Variants in DHRS3 observed in about 807,000 individuals in gnomAD.
The protein encoded by DHRS3 is dehydrogenase/reductase 3, also known as short-chain dehydrogenase/reductase 3.
Under a neutral mutation model 27.2 loss-of-function variants are expected in DHRS3, and 14 were observed. The observed-to-expected ratio is 0.52, with a 90% CI of 0.34 to 0.81. DHRS3 has a LOEUF of 0.81. Among genes scored for constraint, DHRS3 ranks in the 30% least tolerant of loss-of-function variants. The probability of loss-of-function intolerance (pLI) is 0.01; values close to 1 mark genes in which losing one functional copy is unlikely to be tolerated. For synonymous variants in DHRS3, 165 were observed against 175.9 expected (o/e 0.94, Z 0.49); for missense variants, 322 against 406.2 (o/e 0.79, Z 1.78).
intron 1 of DHRS3, among the ~76,000 whole-genome samples, chr1:12,615,178 GTAGCTCCAGAAGCCTCATTA>G (rs1451555728): frequency 3.3e-5 from 5 of 151,304 alleles, no homozygotes; most frequent in African/African-American, 1.2e-4. Context: ...TCATTATAAA[GTAGCTCCAGAAGCCTCATTA>G]TAAAGTAGCT....
intron 4 of DHRS3, among the ~76,000 whole-genome samples, chr1:12,573,140 T>C (rs1646554457): frequency 1.3e-5 from 2 of 152,226 alleles, no homozygotes; most frequent in Admixed American, 1.3e-4. Flanking sequence ...GCTTGGCCTT[T>C]CCATGGCCCT....
chr1:12,596,947 CGGGGT>C, intron 1 of DHRS3, among the ~76,000 whole-genome samples: 1 of 152,194 alleles, frequency 6.6e-6, no homozygotes, highest in African/African-American at 2.4e-5. Flanking sequence ...TGTGAGAAGC[CGGGGT>C]GACGAGGTCT....
intron 1 of DHRS3, among the ~76,000 whole-genome samples, chr1:12,589,391 C>CTTTT (rs70987258): frequency 4.4e-5 from 6 of 136,418 alleles, no homozygotes; most frequent in East Asian, 2.1e-4. Flanking sequence ...TTTTCTTTTT[C>CTTTT]TTTTTTTTTT....
In DHRS3 at chr1:12,576,585, G is replaced by T. The variant is rs1428256494; in HGVS notation, c.698+2133C>A. ...TTAAAAAAAAAAACAAAACAAAACT[G>T]CAGACTGCCACTGATGCACTTCTGT... is the stretch of plus-strand genomic sequence containing the variant. On this transcript the variant is annotated intron_variant, in intron 4 of 5. Coordinates refer to ENST00000616661, the MANE Select transcript of DHRS3 (RefSeq NM_004753.7). Among the ~76,000 whole-genome samples the T allele has an allele frequency of 2.6e-5, 4 of 151,086 alleles. No homozygotes were observed. The East Asian group carries it at 7.8e-4, about 29-fold the overall frequency.
intron 2 of DHRS3, 73 bp from the exon 3 acceptor site, chr1:12,579,485 T>C: frequency 6.4e-7 from 1 of 1,560,070 alleles, no homozygotes. Flanking sequence ...TTTTTGTTTG[T>C]TTGTTTTTGA....
rs1646956634 is a variant in DHRS3 at position 12,617,869 on chromosome 1, A to G, written c.-521T>C. The G allele has an allele frequency of 6.7e-6, 1 of 149,618 alleles. No individual in the cohort carries two copies. The highest frequency in any genetic ancestry group is 1.5e-5 in the Non-Finnish European group (1 of 67,524). 9.3% of individuals were successfully genotyped at this position (149,618 alleles called of 1,614,324 possible). On this transcript the variant is annotated 5_prime_UTR_variant, in exon 1 of 6. Transcript: ENST00000616661. Reference sequence around the variant, plus strand: ...CCCACCCCGTCTCCAGAAAAAAAAAAAAAAAAAAAGTGGGGGGAAAAAGTG... The same window carrying G: ...CCCACCCCGTCTCCAGAAAAAAAAAGAAAAAAAAAGTGGGGGGAAAAAGTG...
chr1:12,617,522 A>C lies in DHRS3; in HGVS notation c.-174T>G. ...TGCAAAGCACCGGGTGAGAAAAAGA[A>C]AAAAAAAAAAAAAAAAAAGATAAAT... On this transcript the variant is annotated 5_prime_UTR_variant, in exon 1 of 6. Coordinates refer to ENST00000616661, the MANE Select transcript of DHRS3 (RefSeq NM_004753.7). The C allele has an allele frequency of 3.6e-5, 14 of 392,634 alleles. No individual in the cohort carries two copies. The highest frequency in any genetic ancestry group is 1.7e-4 in the East Asian group (4 of 23,098). 24.3% of individuals were successfully genotyped at this position (392,634 alleles called of 1,614,324 possible).
chr1:12,607,699 T>TA (rs1003849356), intron 1 of DHRS3, among the ~76,000 whole-genome samples: 17 of 151,412 alleles, frequency 1.1e-4, no homozygotes, highest in African/African-American at 3.1e-4. Flanking sequence ...GCTAATGATG[T>TA]AAAAAAAAAG....
In DHRS3 at chr1:12,569,227, T is replaced by TCACACA. The variant is rs1557509296; in HGVS notation, c.825-804_825-803insTGTGTG. Among the ~76,000 whole-genome samples the TCACACA allele has an allele frequency of 3.3e-3, 446 of 135,994 alleles. 4 individuals carry two copies. Among genetic ancestry groups the TCACACA allele is most frequent in the Middle Eastern group, 7.6e-3 (2 of 264 alleles). 89.2% of individuals were successfully genotyped at this position (135,994 alleles called of 152,430 possible). ...AGTAAAACTCTGTCCCCTCTCTCTCTCTCTCACACACACACACACACACAC... is the reference window on the plus strand; with the variant it reads ...AGTAAAACTCTGTCCCCTCTCTCTCTCACACACTCTCACACACACACACACACACAC... On this transcript the variant is annotated intron_variant, in intron 5 of 5. Coordinates refer to ENST00000616661, the MANE Select transcript of DHRS3 (RefSeq NM_004753.7).
At chr1:12,572,700 C>T (rs2100644636) in intron 5 of DHRS3, 28 bp downstream of exon 5, 1 of 1,566,252 alleles carries the variant, frequency 6.4e-7, no homozygotes, top group Admixed American at 1.9e-5. Flanking sequence ...TTTCCCCTGA[C>T]CCAGAGTGTT....
chr1:12,570,278 GC>G (rs1646524553), intron 5 of DHRS3, among the ~76,000 whole-genome samples: 4 of 152,216 alleles, frequency 2.6e-5, no homozygotes, highest in African/African-American at 9.6e-5. Context: ...TCCCCAGCAA[GC>G]CCTGGTGTAG....
At chr1:12,605,977 A>T (rs1646867740) in intron 1 of DHRS3, among the ~76,000 whole-genome samples, 1 of 151,974 alleles carries the variant, frequency 6.6e-6, no homozygotes, top group Non-Finnish European at 1.5e-5. Context: ...CGTCTCTACT[A>T]AAAATACAAA....
chr1:12,617,309 G>A lies in DHRS3; in HGVS notation c.40C>T (p.Leu14=), dbSNP rs368149894. The change falls in exon 1 of 6, where the codon CTA becomes TTA. Residue 14 remains leucine, a synonymous_variant. Coordinates refer to ENST00000616661, the MANE Select transcript of DHRS3 (RefSeq NM_004753.7). The part of the protein sequence containing the change: ...KRLGALVMFP[L]QMIYLVVKAA... ...TTCACCACCAGATAGATCATCTGTA[G>A]AGGGAACATCACCAGCGCGCCCAGC... 6 of 1,611,240 alleles carry A rather than the reference G, an allele frequency of 3.7e-6. No individual in the cohort carries two copies. Among genetic ancestry groups the A allele is most frequent in the Non-Finnish European group, 5.1e-6 (6 of 1,178,102 alleles).
rs575544034 is a variant in DHRS3, at chr1:12,574,258, C to T, written c.699-1405G>A. ...TGATCACAGCTCACTGCAGCCTCGA[C>T]CTCCCTGGGCTCAAGTAATCCTCCT... On this transcript the variant is annotated intron_variant, in intron 4 of 5. Transcript: ENST00000616661. The surrounding 1 kb of genome is among the most constrained non-coding windows in gnomAD (Gnocchi z 4.6). Among the ~76,000 whole-genome samples the T allele has an allele frequency of 2.5e-4, 38 of 152,276 alleles. No homozygotes were observed. The highest frequency in any genetic ancestry group is 4.9e-4 in the Non-Finnish European group (33 of 68,024).
intron 1 of DHRS3, among the ~76,000 whole-genome samples, chr1:12,581,009 G>A (rs111280540): frequency 6.6e-6 from 1 of 151,868 alleles, no homozygotes; most frequent in African/African-American, 2.4e-5. Flanking sequence ...AAAAAATTTT[G>A]TAGAGTAGGG....
chr1:12,617,469 G>A lies in DHRS3; in HGVS notation c.-121C>T. The A allele has an allele frequency of 1.2e-6, 1 of 843,390 alleles. No individual in the cohort carries two copies. Among genetic ancestry groups the A allele is most frequent in the Non-Finnish European group, 1.7e-6 (1 of 596,172 alleles). The allele number at this position is 843,390 out of a possible 1,614,324, so 52.2% of individuals were successfully genotyped here. On this transcript the variant is annotated 5_prime_UTR_variant, in exon 1 of 6. Transcript: ENST00000616661. The stretch of plus-strand genomic sequence containing the variant: ...AAGGAGGAGAGAGGCGTCCCACCTG[G>A]CCACTCTTGAAATCACCTCTTCCCA...
At chr1:12,571,358 C>T (rs952257334) in intron 5 of DHRS3, among the ~76,000 whole-genome samples, 10 of 152,220 alleles carry the variant, frequency 6.6e-5, no homozygotes, top group East Asian at 1.9e-4. Flanking sequence ...GGTACTAAGA[C>T]GCTTCTGTGA....
rs913797953 is a variant in DHRS3, at chr1:12,574,011, T to A, written c.699-1158A>T. Among the ~76,000 whole-genome samples, 5 of 152,116 alleles carry A rather than the reference T, an allele frequency of 3.3e-5. No homozygotes were observed. Among genetic ancestry groups the A allele is most frequent in the African/African-American group, 4.8e-5 (2 of 41,432 alleles). On this transcript the variant is annotated intron_variant, in intron 4 of 5. Transcript: ENST00000616661. This position sits in a 1 kb window ranked among gnomAD's most constrained non-coding sequence, Gnocchi z 4.6. ...ATCCCACAAAGAGCTTGTGATCCGCTCTGGCACCAGGAAGATTAAGGGTGA... is the reference window on the plus strand; with the variant it reads ...ATCCCACAAAGAGCTTGTGATCCGCACTGGCACCAGGAAGATTAAGGGTGA...
chr1:12,614,261 C>A (rs561794301), intron 1 of DHRS3, among the ~76,000 whole-genome samples: 11 of 152,268 alleles, frequency 7.2e-5, no homozygotes, highest in Non-Finnish European at 1.6e-4. Context: ...AACACCATGT[C>A]AAACTCAAAG....
Sources: gnomAD v4.1 joint callset for allele counts (sites outside exome capture counted in the v4.1 genomes callset) on GRCh38, gnomAD v4.1.1 for gene constraint, Gnocchi (gnomAD v3.1) non-coding constraint, MANE v1.5 for transcripts, NCBI Gene and HGNC (gene_info 2026-07-23, HGNC 2026-07-21) for gene names.